STK33: variants seen among roughly 807,000 people sequenced by gnomAD.
STK33 encodes the protein serine/threonine-protein kinase 33.
STK33 carries 52 observed loss-of-function variants against 58.0 expected under a neutral mutation model. The observed-to-expected ratio is 0.90, with a 90% CI of 0.72 to 1.13. The LOEUF (loss-of-function observed/expected upper bound fraction) is 1.13, where lower values mean the gene tolerates loss of function less well. STK33 is among the 50% of genes most tolerant of loss of function. STK33 has a pLI of 0.00. For synonymous variants in STK33, 215 were observed against 200.1 expected (o/e 1.07, Z -0.63); for missense variants, 630 against 604.2 (o/e 1.04, Z -0.45).
At chr11:8,429,082 G>C (rs1943110301) in intron 14 of STK33, among the ~76,000 whole-genome samples, 1 of 152,014 alleles carries the variant, frequency 6.6e-6, no homozygotes, top group Non-Finnish European at 1.5e-5. Context: ...GAAAAATAGA[G>C]ACACAAATTC....
the STK33 span, among the ~76,000 whole-genome samples, chr11:8,345,486 C>T: frequency 6.6e-6 from 1 of 152,250 alleles, no homozygotes; most frequent in Admixed American, 6.5e-5. Flanking sequence ...GCTGAAAGCA[C>T]ACGGATCTTC....
chr11:8,370,599 G>A, the STK33 span, among the ~76,000 whole-genome samples: 1 of 152,204 alleles, frequency 6.6e-6, no homozygotes. Flanking sequence ...CATTCCTGAG[G>A]CTACAGATAC....
intron 1 of STK33, among the ~76,000 whole-genome samples, chr11:8,582,286 A>G (rs1349187787): frequency 6.6e-6 from 1 of 152,242 alleles, no homozygotes; most frequent in Non-Finnish European, 1.5e-5. Flanking sequence ...AACTAAGGAC[A>G]AAACTAAAAA....
At position 8,570,855 on chromosome 11, in the gene STK33, T is replaced by C. The variant is rs1309034577; in HGVS notation, c.-466+23228A>G. 2.0e-5 allele frequency among the ~76,000 whole-genome samples: 3 copies of C among 152,188 alleles called. No homozygotes were observed. In the East Asian group the frequency reaches 5.8e-4, roughly 29 times the overall value. On this transcript the variant is annotated intron_variant, in intron 1 of 15. Coordinates refer to ENST00000687296, the MANE Select transcript of STK33 (RefSeq NM_001352389.2). ...GTACACTTTAAGCATAGGTAGTTTA[T>C]TGCATGGCAATTACATCTCAGTAAA...
At chr11:8,550,243 T>C (rs1454191356) in intron 1 of STK33, among the ~76,000 whole-genome samples, 2 of 152,216 alleles carry the variant, frequency 1.3e-5, no homozygotes, top group Admixed American at 6.5e-5. Context: ...TCCCGGAATA[T>C]GTAATTAATA....
intron 2 of STK33, among the ~76,000 whole-genome samples, chr11:8,478,884 A>G (rs2138098212): frequency 6.6e-6 from 1 of 152,318 alleles, no homozygotes; most frequent in South Asian, 2.1e-4. Flanking sequence ...TTTAAGGAAG[A>G]CTAGCACTTG....
chr11:8,533,002 A>G (rs7952111), intron 1 of STK33, among the ~76,000 whole-genome samples: 5,053 of 152,360 alleles, frequency 0.033, 281 homozygotes, highest in African/African-American at 0.11. Context: ...AGTATAATAC[A>G]GACCAATTCT....
At chr11:8,478,583 A>G (rs1046957489) in intron 2 of STK33, among the ~76,000 whole-genome samples, 1 of 152,198 alleles carries the variant, frequency 6.6e-6, no homozygotes, top group South Asian at 2.1e-4. Context: ...ATACACTTAC[A>G]GCAATTTCCT....
intron 15 of STK33, among the ~76,000 whole-genome samples, chr11:8,407,577 T>C (rs1939468184): frequency 6.6e-6 from 1 of 152,082 alleles, no homozygotes; most frequent in South Asian, 2.1e-4. Context: ...TTAAAAGAAA[T>C]TTGACCATTT....
chr11:8,545,743 AAG>A (rs1166567037), intron 1 of STK33, among the ~76,000 whole-genome samples: 1 of 152,212 alleles, frequency 6.6e-6, no homozygotes, highest in African/African-American at 2.4e-5. Context: ...TCAAAACAAG[AAG>A]AGAGATGAAT....
At chr11:8,542,906 T>C (rs889082420) in intron 1 of STK33, among the ~76,000 whole-genome samples, 3 of 152,092 alleles carry the variant, frequency 2.0e-5, no homozygotes, top group African/African-American at 7.2e-5. Flanking sequence ...AAACGGGGTT[T>C]CGCCATGTTG....
At chr11:8,402,227 C>T (rs1004903334) in intron 15 of STK33, among the ~76,000 whole-genome samples, 20 of 152,138 alleles carry the variant, frequency 1.3e-4, no homozygotes, top group African/African-American at 4.3e-4. Context: ...AAATGTCCAA[C>T]AATGATAGAC....
chr11:8,412,316 C>T (rs1415854158), intron 15 of STK33, among the ~76,000 whole-genome samples: 2 of 152,096 alleles, frequency 1.3e-5, no homozygotes, highest in Non-Finnish European at 1.5e-5. Flanking sequence ...AGCTAAGCAT[C>T]GTAGGAGTTA....
chr11:8,340,644 G>C, the STK33 span, among the ~76,000 whole-genome samples: 1 of 152,110 alleles, frequency 6.6e-6, no homozygotes, highest in Non-Finnish European at 1.5e-5. Context: ...AGCTTCCAGG[G>C]CTCCAATGTC....
the STK33 span, among the ~76,000 whole-genome samples, chr11:8,343,330 C>T: frequency 3.3e-5 from 5 of 152,248 alleles, no homozygotes; most frequent in East Asian, 1.9e-4. Flanking sequence ...AAAGGAGCAC[C>T]GCTCGCTTTG....
At chr11:8,410,533 C>T (rs1307359309) in intron 15 of STK33, among the ~76,000 whole-genome samples, 3 of 135,434 alleles carry the variant, frequency 2.2e-5, no homozygotes, top group Non-Finnish European at 3.0e-5. Context: ...AGTGCAGTGG[C>T]GTGATCTTGG....
At chr11:8,573,705 TAAAC>T (rs757464128) in intron 1 of STK33, among the ~76,000 whole-genome samples, 23 of 152,134 alleles carry the variant, frequency 1.5e-4, no homozygotes, top group Non-Finnish European at 2.5e-4. Flanking sequence ...GGTGAATGGT[TAAAC>T]AAACTGTAGC....
At chr11:8,467,131 C>T (rs1948282287) in intron 6 of STK33, 1 of 152,212 alleles carries the variant, frequency 6.6e-6, no homozygotes, top group Admixed American at 6.5e-5. Context: ...GCCCTGGAGA[C>T]ATTTTTCTCA....
chr11:8,356,245 A>G, the STK33 span, among the ~76,000 whole-genome samples: 2 of 152,172 alleles, frequency 1.3e-5, no homozygotes, highest in Non-Finnish European at 2.9e-5. Flanking sequence ...AGACAGGGAA[A>G]TCCACCCAGG....
Sources: allele counts gnomAD v4.1 joint callset (sites outside exome capture counted in the v4.1 genomes callset), GRCh38; gene constraint gnomAD v4.1.1; transcripts MANE v1.5; gene names NCBI Gene and HGNC (gene_info 2026-07-23, HGNC 2026-07-21).